WDR33: variants seen among roughly 807,000 people sequenced by gnomAD.
The protein encoded by WDR33 is pre-mRNA 3' end processing protein WDR33.
WDR33 carries 47 observed loss-of-function variants against 164.9 expected under a neutral mutation model. That is an observed-to-expected ratio of 0.29 (90% confidence interval 0.23 to 0.36). The LOEUF is 0.36. WDR33 is among the 10% of genes least tolerant of loss of function. The probability of loss-of-function intolerance (pLI) is 1.00; values close to 1 mark genes in which losing one functional copy is unlikely to be tolerated. For synonymous variants in WDR33, 505 were observed against 589.0 expected (o/e 0.86, Z 2.06); for missense variants, 1,137 against 1,754.1 (o/e 0.65, Z 6.28).
chr2:127,742,091 A>C (rs1687033207), intron 7 of WDR33, among the ~76,000 whole-genome samples: 1 of 151,942 alleles, frequency 6.6e-6, no homozygotes, highest in Non-Finnish European at 1.5e-5. Context: ...AATCCCAGCC[A>C]CTCCAGAGGC....
rs184880795 is a variant in WDR33, at chr2:127,703,639, G to T, written c.*2684C>A. The stretch of plus-strand genomic sequence containing the variant: ...GGTTACCTACCTCAGGAGGCTGCTT[G>T]TGAGAGAGCAAATGCAGTATCTTCA... On this transcript the variant is annotated 3_prime_UTR_variant, in exon 22 of 22. Coordinates refer to ENST00000322313, the MANE Select transcript of WDR33 (RefSeq NM_018383.5). 4.4e-4 allele frequency: 73 copies of T among 167,204 alleles called. No individual in the cohort carries two copies. The highest frequency in any genetic ancestry group is 7.6e-4 in the Non-Finnish European group (52 of 68,124). 10.4% of individuals were successfully genotyped at this position (167,204 alleles called of 1,614,324 possible).
intron 1 of WDR33, among the ~76,000 whole-genome samples, chr2:127,784,250 C>G (rs1057010382): frequency 1.3e-5 from 2 of 152,130 alleles, no homozygotes; most frequent in African/African-American, 4.8e-5. Context: ...TGGATTCACA[C>G]ATTTATACAT....
Position 127,709,979 on chromosome 2 carries a change from T to C in WDR33, c.3309-123A>G, listed in dbSNP as rs1686118457. 8 of 1,258,410 alleles carry C rather than the reference T, an allele frequency of 6.4e-6. No individual in the cohort carries two copies. In the South Asian group the frequency reaches 1.0e-4, roughly 16 times the overall value. The allele number at this position is 1,258,410 out of a possible 1,614,324, so 78.0% of individuals were successfully genotyped here. On this transcript the variant is annotated intron_variant, in intron 18 of 21. Transcript: ENST00000322313. The surrounding 1 kb of genome is among the most constrained non-coding windows in gnomAD (Gnocchi z 5.0). ...AATGTTAATTGGGAGGAAAACAAAA[T>C]AAAACTATATATTTTTGAAAGGATA...
Position 127,719,575 on chromosome 2 carries a change from C to T in WDR33, c.2450G>A (p.Gly817Asp), listed in dbSNP as rs1317142847. The part of the protein sequence containing the change: ...PQEMRGPHPP[G>D]GLLGHGPQEM... ...CTGAGGGCCGTGTCCCAGTAGTCCA[C>T]CTGGAGGGTGAGGTCCTCTCATCTC... is the stretch of plus-strand genomic sequence containing the variant. Residue 817 changes from glycine to aspartate, a missense_variant, in exon 16 of 22, where the codon GGT becomes GAT. This residue lies in a region of WDR33 where 867 missense variants were observed against 1,073.0 expected (regional missense o/e 0.81). Transcript: ENST00000322313. The surrounding 1 kb of genome is among the most constrained non-coding windows in gnomAD (Gnocchi z 6.5). The T allele has an allele frequency of 6.2e-7, 1 of 1,613,856 alleles. No homozygotes were observed. The highest frequency in any genetic ancestry group is 8.5e-7 in the Non-Finnish European group (1 of 1,179,994).
In WDR33 at chr2:127,722,518, T is replaced by G; in HGVS notation, c.1518+73A>C. ...TACAGAAACACCTTCAACAGTGAGA[T>G]AATCCAAGAGAAACCTCAAACTAAC... is the stretch of plus-strand genomic sequence containing the variant. On this transcript the variant is annotated intron_variant, in intron 14 of 21. Transcript: ENST00000322313. This position sits in a 1 kb window ranked among gnomAD's most constrained non-coding sequence, Gnocchi z 5.1. 6.4e-7 allele frequency: 1 copy of G among 1,562,274 alleles called. No individual in the cohort carries two copies. Among genetic ancestry groups the G allele is most frequent in the Non-Finnish European group, 8.6e-7 (1 of 1,157,126 alleles).
At chr2:127,799,858 C>T (rs1325060446) in intron 1 of WDR33, among the ~76,000 whole-genome samples, 1 of 152,198 alleles carries the variant, frequency 6.6e-6, no homozygotes, top group Non-Finnish European at 1.5e-5. Flanking sequence ...CACACCTGCA[C>T]TCCTGCCTGG....
At position 127,712,751 on chromosome 2, in the gene WDR33, TTTTTG is replaced by T. The variant is rs376187830; in HGVS notation, c.3308+827_3308+831del. ...TGAGATTTTACTATTTCCTGGTGTT[TTTTTG>T]TTTTGTTTTGTTTTTCTTTTAAGAG... On this transcript the variant is annotated intron_variant, in intron 18 of 21. Coordinates refer to ENST00000322313, the MANE Select transcript of WDR33 (RefSeq NM_018383.5). This position sits in a 1 kb window ranked among gnomAD's most constrained non-coding sequence, Gnocchi z 4.0. Among the ~76,000 whole-genome samples the T allele has an allele frequency of 2.0e-5, 3 of 152,244 alleles. No homozygotes were observed. In the South Asian group the frequency reaches 6.2e-4, roughly 32 times the overall value.
At chr2:127,774,757 G>A (rs966634460) in intron 1 of WDR33, among the ~76,000 whole-genome samples, 3 of 152,184 alleles carry the variant, frequency 2.0e-5, no homozygotes, top group Middle Eastern at 3.4e-3. Context: ...GTGAACCCGG[G>A]AGGCGGAGCT....
intron 7 of WDR33, chr2:127,762,686 A>G (rs1470085190): frequency 9.8e-7 from 1 of 1,015,824 alleles, no homozygotes; most frequent in Non-Finnish European, 1.2e-6. Context: ...GTTAATTCAT[A>G]TTGTAAAAGG....
In WDR33 at chr2:127,719,562, T is replaced by A; in HGVS notation, c.2463A>T (p.Gly821=). The change falls in exon 16 of 22, where the codon GGA becomes GGT. Residue 821 remains glycine, a synonymous_variant. Transcript: ENST00000322313. The surrounding 1 kb of genome is among the most constrained non-coding windows in gnomAD (Gnocchi z 6.5). ...RGPHPPGGLL[G]HGPQEMRGPQ... ...GACCTCTCATTTCCTGAGGGCCGTGTCCCAGTAGTCCACCTGGAGGGTGAG... is the reference window on the plus strand; with the variant it reads ...GACCTCTCATTTCCTGAGGGCCGTGACCCAGTAGTCCACCTGGAGGGTGAG... 1.2e-6 allele frequency: 2 copies of A among 1,613,860 alleles called. No individual in the cohort carries two copies. Among genetic ancestry groups the A allele is most frequent in the Non-Finnish European group, 1.7e-6 (2 of 1,179,962 alleles).
Position 127,717,158 on chromosome 2 carries a change from T to G in WDR33, c.2866A>C (p.Lys956Gln), listed in dbSNP as rs756343507. ...LNPGQGPGPNKGDSRGPPNHH... is the reference protein window; with the variant it reads ...LNPGQGPGPNQGDSRGPPNHH... ...ATTCAGCTGAGCAGATATTTACCTTTGTTGGGGCCAGGTCCTTGTCCGGGG... is the reference window on the plus strand; with the variant it reads ...ATTCAGCTGAGCAGATATTTACCTTGGTTGGGGCCAGGTCCTTGTCCGGGG... The change falls in exon 17 of 22, where the codon AAA becomes CAA. Residue 956 changes from lysine to glutamine, a missense_variant. Coordinates refer to ENST00000322313, the MANE Select transcript of WDR33 (RefSeq NM_018383.5). The surrounding 1 kb of genome is among the most constrained non-coding windows in gnomAD (Gnocchi z 5.6). 6.2e-7 allele frequency: 1 copy of G among 1,601,578 alleles called. No homozygotes were observed. Among genetic ancestry groups the G allele is most frequent in the South Asian group, 1.1e-5 (1 of 88,736 alleles).
At chr2:127,745,051 C>T (rs568858147) in intron 7 of WDR33, among the ~76,000 whole-genome samples, 1 of 152,246 alleles carries the variant, frequency 6.6e-6, no homozygotes, top group South Asian at 2.1e-4. Context: ...GTCAGCTTGC[C>T]TTTGTACTTA....
In WDR33 at chr2:127,701,219, C is replaced by A. The variant is rs1333977389; in HGVS notation, c.*5104G>T. The A allele has an allele frequency of 2.6e-5, 6 of 233,172 alleles. No homozygotes were observed. The highest frequency in any genetic ancestry group is 8.5e-5 in the East Asian group (1 of 11,834). The allele number at this position is 233,172 out of a possible 1,614,324, so 14.4% of individuals were successfully genotyped here. ...GGTCACTTCTTGTGCCCCTTTAGAA[C>A]CACACCCACCCCTGCCTTCCAACTA... On this transcript the variant is annotated 3_prime_UTR_variant, in exon 22 of 22. Coordinates refer to ENST00000322313, the MANE Select transcript of WDR33 (RefSeq NM_018383.5).
chr2:127,762,810 TAA>T, intron 7 of WDR33: 1 of 1,286,060 alleles, frequency 7.8e-7, no homozygotes, highest in South Asian at 1.8e-5. Context: ...TGCATACAGA[TAA>T]GCAAGTAAGG....
rs1323110219 is a variant in WDR33 at position 127,716,441 on chromosome 2, T to C, written c.2869+714A>G. Among the ~76,000 whole-genome samples the C allele has an allele frequency of 6.6e-6, 1 of 152,110 alleles. No individual in the cohort carries two copies. The highest frequency in any genetic ancestry group is 2.4e-5 in the African/African-American group (1 of 41,396). On this transcript the variant is annotated intron_variant, in intron 17 of 21. Coordinates refer to ENST00000322313, the MANE Select transcript of WDR33 (RefSeq NM_018383.5). The surrounding 1 kb of genome is among the most constrained non-coding windows in gnomAD (Gnocchi z 4.5). ...TGTGTGTCGAACATAACACAGTGTT[T>C]CCTCTCACTCCCCTCCATCCACTCC...
chr2:127,764,417 T>C lies in WDR33; in HGVS notation c.626+411A>G. ...GTCTTCACTTAAGCCTTTTTCCACT[T>C]TGTGTGAATTCTGAAGTTGTTTTCT... On this transcript the variant is annotated intron_variant, in intron 6 of 21. Transcript: ENST00000322313. This position sits in a 1 kb window ranked among gnomAD's most constrained non-coding sequence, Gnocchi z 6.2. 1 of 1,445,858 alleles carries C rather than the reference T, an allele frequency of 6.9e-7. No individual in the cohort carries two copies. The highest frequency in any genetic ancestry group is 9.1e-7 in the Non-Finnish European group (1 of 1,102,242). 89.6% of individuals were successfully genotyped at this position (1,445,858 alleles called of 1,614,324 possible). A position where few individuals can be genotyped will look rare whatever the true frequency, so the allele number is the denominator to read the frequency against.
In WDR33 at chr2:127,743,347, T is replaced by C. The variant is rs941339804; in HGVS notation, c.725-16570A>G. Among the ~76,000 whole-genome samples the C allele has an allele frequency of 1.6e-4, 24 of 152,314 alleles. 1 individual carries two copies. Among genetic ancestry groups the C allele is most frequent in the Admixed American group, 1.5e-3 (23 of 15,296 alleles). On this transcript the variant is annotated intron_variant, in intron 7 of 21. Coordinates refer to ENST00000322313, the MANE Select transcript of WDR33 (RefSeq NM_018383.5). ...TAAACTATGGCATTATTTTCAACAG[T>C]TGACAGCATGACAGACTTAATACAA...
chr2:127,794,392 C>CG (rs1165117570), intron 1 of WDR33, among the ~76,000 whole-genome samples: 5 of 148,918 alleles, frequency 3.4e-5, no homozygotes, highest in African/African-American at 7.5e-5. Flanking sequence ...CCCAGCTACT[C>CG]GGGGGGCTGA....
In WDR33 at chr2:127,702,785, GTTGTGTATT is replaced by G; in HGVS notation, c.*3529_*3537del. On this transcript the variant is annotated 3_prime_UTR_variant, in exon 22 of 22. Coordinates refer to ENST00000322313, the MANE Select transcript of WDR33 (RefSeq NM_018383.5). ...GCCTTATAACATGAAAGGAAAATTAGTTGTGTATTTCACGACGAAAGCGACGGACCAAAA... is the reference window on the plus strand; with the variant it reads ...GCCTTATAACATGAAAGGAAAATTAGTCACGACGAAAGCGACGGACCAAAA... 1 of 167,054 alleles carries G rather than the reference GTTGTGTATT, an allele frequency of 6.0e-6. No homozygotes were observed. The allele number at this position is 167,054 out of a possible 1,614,324, so 10.3% of individuals were successfully genotyped here. A position where few individuals can be genotyped will look rare whatever the true frequency, so the allele number is the denominator to read the frequency against.
Sources: allele counts gnomAD v4.1 joint callset (sites outside exome capture counted in the v4.1 genomes callset), GRCh38; gene constraint gnomAD v4.1.1; regional missense constraint gnomAD v4.1.1; non-coding constraint Gnocchi (gnomAD v3.1); transcripts MANE v1.5; gene names NCBI Gene and HGNC (gene_info 2026-07-23, HGNC 2026-07-21).